MRTFB: variants seen among roughly 807,000 people sequenced by gnomAD.
The protein encoded by MRTFB is myocardin-related transcription factor B.
A neutral mutation model predicts 104.2 loss-of-function variants in MRTFB; 29 were observed. That is an observed-to-expected ratio of 0.28 (90% CI 0.21 to 0.38). The LOEUF (loss-of-function observed/expected upper bound fraction) is 0.38. Ranked by LOEUF, MRTFB falls within the 10% of genes least tolerant of loss-of-function variation. MRTFB has a pLI of 1.00. For missense variants in MRTFB, 1,270 were observed against 1,341.6 expected (o/e 0.95, Z 0.83); for synonymous variants, 535 against 519.5 (o/e 1.03, Z -0.41).
At chr16:14,058,112 C>T in the MRTFB span, among the ~76,000 whole-genome samples, 2 of 152,186 alleles carry the variant, frequency 1.3e-5, no homozygotes, top group African/African-American at 4.8e-5. Flanking sequence ...ATGGAATGGG[C>T]TTGGCAGGCA....
In MRTFB at chr16:14,252,168, A is replaced by G; in HGVS notation, c.2565+145A>G. On this transcript the variant is annotated intron_variant, in intron 14 of 16. Coordinates refer to ENST00000571589, the MANE Select transcript of MRTFB (RefSeq NM_001308142.2). ...GTGATAACTTGTGAAGGAGGAGCTC[A>G]GCTATTATCACAGTGAAGATGATCG... 3 of 1,225,708 alleles carry G rather than the reference A, an allele frequency of 2.4e-6. No homozygotes were observed. In the South Asian group the frequency reaches 4.5e-5, roughly 18 times the overall value. 75.9% of individuals were successfully genotyped at this position (1,225,708 alleles called of 1,614,324 possible). A position where few individuals can be genotyped will look rare whatever the true frequency, so the allele number is the denominator to read the frequency against.
At chr16:14,004,901 T>C in the MRTFB span, among the ~76,000 whole-genome samples, 1 of 152,248 alleles carries the variant, frequency 6.6e-6, no homozygotes, top group Admixed American at 6.5e-5. Flanking sequence ...TCTGTCCACC[T>C]GGATCTCAGT....
intron 2 of MRTFB, among the ~76,000 whole-genome samples, chr16:14,122,297 T>A (rs1398353837): frequency 2.6e-5 from 4 of 152,122 alleles, no homozygotes; most frequent in South Asian, 4.1e-4. Context: ...ACTTTTTTTT[T>A]ATTATACTTT....
chr16:14,127,177 T>C (rs2037153707), intron 2 of MRTFB, among the ~76,000 whole-genome samples: 1 of 152,214 alleles, frequency 6.6e-6, no homozygotes, highest in Non-Finnish European at 1.5e-5. Flanking sequence ...TGTGCAAGGA[T>C]TGCTTTAGTT....
intron 2 of MRTFB, among the ~76,000 whole-genome samples, chr16:14,103,999 G>GA (rs1021627047): frequency 2.6e-5 from 4 of 152,060 alleles, no homozygotes; most frequent in Admixed American, 2.0e-4. Flanking sequence ...TGGGATTGAG[G>GA]AAAAAAATAA....
Position 14,266,709 on chromosome 16 carries a change from G to A in MRTFB, c.*5265G>A, listed in dbSNP as rs924881263. 5.9e-5 allele frequency: 9 copies of A among 152,236 alleles called. No homozygotes were observed. Among genetic ancestry groups the A allele is most frequent in the Admixed American group, 3.9e-4 (6 of 15,290 alleles). 9.4% of individuals were successfully genotyped at this position (152,236 alleles called of 1,614,324 possible). On this transcript the variant is annotated 3_prime_UTR_variant, in exon 17 of 17. Coordinates refer to ENST00000571589, the MANE Select transcript of MRTFB (RefSeq NM_001308142.2). ...CATAGTGGCAGTATTGTAGCTGATC[G>A]GGAAATGTTTGATATCTCAGCAATT... is the stretch of plus-strand genomic sequence containing the variant.
rs569921780 is a variant in MRTFB, at chr16:14,265,215, A to G, written c.*3771A>G. ...GAATAGCTATTCAGTGTCTACTAGC[A>G]GAGCAACATGTGTCAATTTAACCAA... On this transcript the variant is annotated 3_prime_UTR_variant, in exon 17 of 17. Coordinates refer to ENST00000571589, the MANE Select transcript of MRTFB (RefSeq NM_001308142.2). 17 of 152,358 alleles carry G rather than the reference A, an allele frequency of 1.1e-4. No individual in the cohort carries two copies. Among genetic ancestry groups the G allele is most frequent in the African/African-American group, 3.8e-4 (16 of 41,588 alleles). 9.4% of individuals were successfully genotyped at this position (152,358 alleles called of 1,614,324 possible).
At chr16:14,155,903 CTT>C (rs1427133569) in intron 3 of MRTFB, among the ~76,000 whole-genome samples, 2 of 152,172 alleles carry the variant, frequency 1.3e-5, no homozygotes, top group Admixed American at 6.5e-5. Flanking sequence ...TTCTGGAACT[CTT>C]TTTCAGCATA....
intron 10 of MRTFB, among the ~76,000 whole-genome samples, chr16:14,244,671 C>T (rs2042937293): frequency 6.6e-6 from 1 of 152,160 alleles, no homozygotes; most frequent in East Asian, 1.9e-4. Context: ...TCATCTTTCA[C>T]TTATTTATTG....
chr16:14,008,726 G>C, the MRTFB span, among the ~76,000 whole-genome samples: 1 of 152,086 alleles, frequency 6.6e-6, no homozygotes, highest in Non-Finnish European at 1.5e-5. Flanking sequence ...AAGTTAGCTG[G>C]TATTTTGAAA....
intron 1 of MRTFB, among the ~76,000 whole-genome samples, chr16:14,072,632 C>G (rs1296423734): frequency 6.6e-6 from 1 of 152,172 alleles, no homozygotes; most frequent in African/African-American, 2.4e-5. Context: ...CTGCAGTGAG[C>G]TGTGATTGCA....
intron 2 of MRTFB, among the ~76,000 whole-genome samples, chr16:14,096,336 G>A (rs1048709886): frequency 1.3e-5 from 2 of 152,106 alleles, no homozygotes; most frequent in African/African-American, 2.4e-5. Context: ...GCCTCCCAAA[G>A]TGTTGGATTA....
chr16:14,113,286 C>T (rs527355059), intron 2 of MRTFB, among the ~76,000 whole-genome samples: 95 of 152,358 alleles, frequency 6.2e-4, no homozygotes, highest in African/African-American at 2.2e-3. Context: ...TCAGGTGATC[C>T]ACCCGCCTTG....
chr16:14,007,615 A>G, the MRTFB span, among the ~76,000 whole-genome samples: 1 of 152,086 alleles, frequency 6.6e-6, no homozygotes, highest in Admixed American at 6.5e-5. Context: ...TCATATGGTA[A>G]CTCTAAGTTT....
At chr16:14,051,928 C>G in the MRTFB span, among the ~76,000 whole-genome samples, 12 of 152,146 alleles carry the variant, frequency 7.9e-5, no homozygotes, top group African/African-American at 2.9e-4. Flanking sequence ...CCCTGGACTT[C>G]CCTTTACATG....
the MRTFB span, among the ~76,000 whole-genome samples, chr16:14,060,822 A>G: frequency 6.6e-6 from 1 of 152,158 alleles, no homozygotes; most frequent in South Asian, 2.1e-4. Flanking sequence ...AGTGCATGCT[A>G]TGACAGCCAT....
intron 8 of MRTFB, among the ~76,000 whole-genome samples, chr16:14,224,302 ACAT>A (rs1304433014): frequency 6.6e-6 from 1 of 152,180 alleles, no homozygotes; most frequent in African/African-American, 2.4e-5. Context: ...TTGTTGTGAA[ACAT>A]CATAGAGTAT....
chr16:14,040,912 G>C, the MRTFB span, among the ~76,000 whole-genome samples: 1 of 152,078 alleles, frequency 6.6e-6, no homozygotes, highest in Non-Finnish European at 1.5e-5. Flanking sequence ...CCAGGAGTTC[G>C]AGACCAGCCT....
chr16:14,181,958 C>T (rs936879572), intron 3 of MRTFB, among the ~76,000 whole-genome samples: 1 of 152,172 alleles, frequency 6.6e-6, no homozygotes, highest in South Asian at 2.1e-4. Context: ...GAGCTCTTTT[C>T]AGTGTGCATA....
Sources: allele counts gnomAD v4.1 joint callset (sites outside exome capture counted in the v4.1 genomes callset), GRCh38; gene constraint gnomAD v4.1.1; transcripts MANE v1.5; gene names NCBI Gene and HGNC (gene_info 2026-07-23, HGNC 2026-07-21).